The following ST6GALNAC3 variants were observed in gnomAD, a reference collection of about 807,000 sequenced individuals.
ST6GALNAC3 encodes alpha-N-acetylgalactosaminide alpha-2,6-sialyltransferase 3.
Under a neutral mutation model 32.7 loss-of-function variants are expected in ST6GALNAC3, and 25 were observed. The observed-to-expected ratio is 0.76, with a 90% CI of 0.56 to 1.07. The LOEUF (loss-of-function observed/expected upper bound fraction) is 1.07, where lower values mean the gene tolerates loss of function less well. ST6GALNAC3 is among the 50% of genes least tolerant of loss of function. The probability of loss-of-function intolerance (pLI) is 0.00; values close to 1 mark genes in which losing one functional copy is unlikely to be tolerated. For synonymous variants in ST6GALNAC3, 129 were observed against 133.1 expected (o/e 0.97, Z 0.21); for missense variants, 355 against 382.4 (o/e 0.93, Z 0.60).
At chr1:76,358,632 C>A (rs1264022000) in intron 2 of ST6GALNAC3, among the ~76,000 whole-genome samples, 1 of 152,186 alleles carries the variant, frequency 6.6e-6, no homozygotes. Context: ...CTGTTCTTCA[C>A]TCCTCTACAG....
chr1:76,365,390 G>C (rs1334393743), intron 2 of ST6GALNAC3, among the ~76,000 whole-genome samples: 1 of 152,182 alleles, frequency 6.6e-6, no homozygotes, highest in Non-Finnish European at 1.5e-5. Context: ...CACTATTTGA[G>C]TGATGGGTAC....
intron 2 of ST6GALNAC3, among the ~76,000 whole-genome samples, chr1:76,391,085 G>A (rs897654589): frequency 2.6e-5 from 4 of 151,210 alleles, no homozygotes; most frequent in Non-Finnish European, 3.0e-5. Flanking sequence ...GACTACGGGC[G>A]CCCACCACCA....
intron 1 of ST6GALNAC3, among the ~76,000 whole-genome samples, chr1:76,176,646 T>C (rs1483420885): frequency 3.9e-5 from 6 of 152,138 alleles, no homozygotes; most frequent in Non-Finnish European, 7.4e-5. Context: ...TTCCTAAACA[T>C]AATGTACAAG....
At chr1:76,215,437 C>A (rs139096542) in intron 1 of ST6GALNAC3, among the ~76,000 whole-genome samples, 265 of 152,130 alleles carry the variant, frequency 1.7e-3, no homozygotes, top group African/African-American at 6.0e-3. Flanking sequence ...TGGGTTATTG[C>A]CAGAGATTAA....
chr1:76,099,132 T>G (rs938311892), intron 1 of ST6GALNAC3, among the ~76,000 whole-genome samples: 3 of 152,180 alleles, frequency 2.0e-5, no homozygotes, highest in Admixed American at 6.5e-5. Flanking sequence ...TTGTTCATTT[T>G]AATACCAATG....
At chr1:76,249,832 A>G (rs1209944620) in intron 1 of ST6GALNAC3, among the ~76,000 whole-genome samples, 1 of 152,074 alleles carries the variant, frequency 6.6e-6, no homozygotes, top group African/African-American at 2.4e-5. Context: ...TGTGGTTTTG[A>G]TTTGCATTTT....
chr1:76,462,982 G>A (rs1304970879), intron 3 of ST6GALNAC3, among the ~76,000 whole-genome samples: 1 of 152,092 alleles, frequency 6.6e-6, no homozygotes, highest in African/African-American at 2.4e-5. Context: ...TGTGTGACTT[G>A]TGGTCAAACA....
chr1:76,199,653 A>T (rs984606853), intron 1 of ST6GALNAC3, among the ~76,000 whole-genome samples: 1 of 152,308 alleles, frequency 6.6e-6, no homozygotes, highest in African/African-American at 2.4e-5. Flanking sequence ...ATTTATCATG[A>T]CCATTTTGAA....
intron 1 of ST6GALNAC3, among the ~76,000 whole-genome samples, chr1:76,121,319 C>T (rs1648857332): frequency 6.6e-6 from 1 of 152,200 alleles, no homozygotes; most frequent in South Asian, 2.1e-4. Context: ...ACCTTACCTG[C>T]CACCCTCACT....
intron 3 of ST6GALNAC3, among the ~76,000 whole-genome samples, chr1:76,492,518 G>A (rs1660562802): frequency 6.6e-6 from 1 of 152,144 alleles, no homozygotes. Context: ...AAAACTGATT[G>A]ACAGTCGCTT....
downstream of ST6GALNAC3, among the ~76,000 whole-genome samples, chr1:76,635,781 G>A (rs568273313): frequency 4.9e-4 from 75 of 152,102 alleles, no homozygotes; most frequent in South Asian, 4.2e-3. Context: ...CTCTCTATTC[G>A]GCCTGCTAAA....
chr1:76,153,577 T>A (rs1368606118), intron 1 of ST6GALNAC3, among the ~76,000 whole-genome samples: 1 of 152,204 alleles, frequency 6.6e-6, no homozygotes, highest in African/African-American at 2.4e-5. Flanking sequence ...TTCACTTTAA[T>A]AAAACATGGC....
At chr1:76,114,531 C>T (rs1025425223) in intron 1 of ST6GALNAC3, among the ~76,000 whole-genome samples, 4 of 152,116 alleles carry the variant, frequency 2.6e-5, no homozygotes, top group South Asian at 2.1e-4. Flanking sequence ...TTTAAAATGA[C>T]GCATGCATAA....
intron 3 of ST6GALNAC3, among the ~76,000 whole-genome samples, chr1:76,598,814 A>T (rs545311349): frequency 6.6e-6 from 1 of 152,154 alleles, no homozygotes; most frequent in Non-Finnish European, 1.5e-5. Context: ...AGGACTGATT[A>T]GGGCATTTCT....
chr1:76,153,632 AT>A (rs1651196530), intron 1 of ST6GALNAC3, among the ~76,000 whole-genome samples: 2 of 152,020 alleles, frequency 1.3e-5, no homozygotes, highest in Admixed American at 1.3e-4. Context: ...CTCACCTCAG[AT>A]TTTTCTGTGT....
chr1:76,223,534 T>C (rs572694539), intron 1 of ST6GALNAC3, among the ~76,000 whole-genome samples: 81 of 152,092 alleles, frequency 5.3e-4, no homozygotes, highest in African/African-American at 1.7e-3. Flanking sequence ...ATACCAAACC[T>C]GCACATGTAC....
chr1:76,550,134 T>C (rs1664536378), intron 3 of ST6GALNAC3, among the ~76,000 whole-genome samples: 1 of 152,220 alleles, frequency 6.6e-6, no homozygotes, highest in African/African-American at 2.4e-5. Context: ...TTTCATGTTG[T>C]TTATGATGTT....
intron 2 of ST6GALNAC3, among the ~76,000 whole-genome samples, chr1:76,387,535 T>A (rs890139498): frequency 2.0e-5 from 3 of 152,202 alleles, no homozygotes; most frequent in Non-Finnish European, 4.4e-5. Flanking sequence ...GTGTTCTAGT[T>A]AGATTTTAAA....
intron 3 of ST6GALNAC3, among the ~76,000 whole-genome samples, chr1:76,601,201 CAAAG>C (rs1647222795): frequency 6.6e-6 from 1 of 151,410 alleles, no homozygotes; most frequent in South Asian, 2.1e-4. Flanking sequence ...CTGTCAAAAA[CAAAG>C]AAGGAAGGAA....
Sources: allele counts gnomAD v4.1 joint callset (sites outside exome capture counted in the v4.1 genomes callset), GRCh38; gene constraint gnomAD v4.1.1; transcripts MANE v1.5; gene names NCBI Gene and HGNC (gene_info 2026-07-23, HGNC 2026-07-21).